Variants in EXOC4 observed in about 807,000 individuals in gnomAD.
EXOC4 encodes SEC8-like 1.
A neutral mutation model predicts 107.2 loss-of-function variants in EXOC4; 71 were observed. The ratio of observed to expected loss-of-function variants is 0.66; its 90% confidence interval spans 0.55 to 0.81. EXOC4 has a LOEUF of 0.81. Among genes scored for constraint, EXOC4 ranks in the 30% least tolerant of loss-of-function variants. The pLI is 0.00. For synonymous variants in EXOC4, 456 were observed against 441.2 expected, an observed-to-expected ratio of 1.03 and a Z score of -0.42; for missense variants, 1,108 against 1,189.6, an observed-to-expected ratio of 0.93 and a Z score of 1.01.
intron 13 of EXOC4, among the ~76,000 whole-genome samples, chr7:133,937,504 A>G: frequency 6.6e-6 from 1 of 152,190 alleles, no homozygotes; most frequent in East Asian, 1.9e-4. Context: ...TTTCACTACA[A>G]TAAACTTTAA....
intron 10 of EXOC4, among the ~76,000 whole-genome samples, chr7:133,685,735 T>G (rs112565285): frequency 1.3e-5 from 2 of 152,272 alleles, no homozygotes; most frequent in African/African-American, 4.8e-5. Flanking sequence ...TGTTAAATAT[T>G]TAAAAATTTC....
intron 7 of EXOC4, among the ~76,000 whole-genome samples, chr7:133,474,500 A>G (rs1024331441): frequency 2.0e-5 from 3 of 149,310 alleles, no homozygotes; most frequent in African/African-American, 7.4e-5. Flanking sequence ...TAAAGTAGAG[A>G]TGAGCTTTCA....
In EXOC4 at chr7:133,893,327, C is replaced by T. The variant is rs1204809859; in HGVS notation, c.1735-2272C>T. Among the ~76,000 whole-genome samples, 3 of 83,178 alleles carry T rather than the reference C, an allele frequency of 3.6e-5. 1 individual carries two copies. The highest frequency in any genetic ancestry group is 6.3e-5 in the Non-Finnish European group (3 of 47,640). 54.6% of individuals were successfully genotyped at this position (83,178 alleles called of 152,430 possible). ...TTTTGAGCCTATGTGTGTCTCTGCACGTAAGATGGGTTTCCTGAATATAGC... is the reference window on the plus strand; with the variant it reads ...TTTTGAGCCTATGTGTGTCTCTGCATGTAAGATGGGTTTCCTGAATATAGC... On this transcript the variant is annotated intron_variant, in intron 11 of 17. Coordinates refer to ENST00000253861, the MANE Select transcript of EXOC4 (RefSeq NM_021807.4).
intron 1 of EXOC4, 44 bp downstream of exon 1, chr7:133,253,231 C>T: frequency 6.3e-7 from 1 of 1,595,928 alleles, no homozygotes; most frequent in Non-Finnish European, 8.6e-7. Context: ...GGGGCAGCGG[C>T]TCGACCTCCG....
chr7:133,556,875 A>G (rs926738474), intron 9 of EXOC4, among the ~76,000 whole-genome samples: 2 of 152,214 alleles, frequency 1.3e-5, no homozygotes, highest in African/African-American at 4.8e-5. Context: ...GCTAGCAAGG[A>G]GACCTTCCTG....
intron 9 of EXOC4, among the ~76,000 whole-genome samples, chr7:133,517,139 ATAATAT>A (rs1285877697): frequency 1.3e-5 from 2 of 152,164 alleles, no homozygotes; most frequent in Non-Finnish European, 2.9e-5. Flanking sequence ...ATTTGTAAAA[ATAATAT>A]TAAGACAGTT....
intron 7 of EXOC4, among the ~76,000 whole-genome samples, chr7:133,403,814 C>T (rs547479667): frequency 1.3e-5 from 2 of 152,158 alleles, no homozygotes; most frequent in Non-Finnish European, 2.9e-5. Flanking sequence ...ACCTGTAGTC[C>T]TTGCTGCTTG....
rs1391131419 is a variant in EXOC4 at position 133,710,592 on chromosome 7, G to A, written c.1514+80451G>A. ...GGAGAATGGCGTGAACCCGGGAGGC[G>A]GAGCTTGCAGTGAGCCGAGATCCCG... On this transcript the variant is annotated intron_variant, in intron 10 of 17. Coordinates refer to ENST00000253861, the MANE Select transcript of EXOC4 (RefSeq NM_021807.4). Among the ~76,000 whole-genome samples, 5 of 148,910 alleles carry A rather than the reference G, an allele frequency of 3.4e-5. No homozygotes were observed. In the East Asian group the frequency reaches 5.9e-4, roughly 18 times the overall value.
chr7:133,439,377 G>T (rs888956553), intron 7 of EXOC4, among the ~76,000 whole-genome samples: 1 of 151,608 alleles, frequency 6.6e-6, no homozygotes, highest in Non-Finnish European at 1.5e-5. Flanking sequence ...TAGAGACGGG[G>T]TTTCATCATG....
chr7:133,542,910 A>C (rs1250212532), intron 9 of EXOC4, among the ~76,000 whole-genome samples: 3 of 152,116 alleles, frequency 2.0e-5, no homozygotes, highest in African/African-American at 7.2e-5. Flanking sequence ...ATAAAAACTT[A>C]CAGGTTATAA....
intron 6 of EXOC4, among the ~76,000 whole-genome samples, chr7:133,360,560 T>TA: frequency 6.6e-6 from 1 of 152,314 alleles, no homozygotes; most frequent in South Asian, 2.1e-4. Context: ...TGACTTCTGT[T>TA]ATGAAGAAAA....
chr7:133,487,349 G>A (rs547748101), intron 9 of EXOC4, among the ~76,000 whole-genome samples: 2 of 152,298 alleles, frequency 1.3e-5, no homozygotes, highest in South Asian at 4.1e-4. Flanking sequence ...GAAACGTAAT[G>A]TATTTGAGTT....
chr7:133,976,196 A>G (rs1472431478), intron 14 of EXOC4, among the ~76,000 whole-genome samples: 1 of 152,200 alleles, frequency 6.6e-6, no homozygotes, highest in African/African-American at 2.4e-5. Context: ...AGAACATCAA[A>G]CAGATAGGTC....
chr7:134,076,247 G>T, the EXOC4 span, among the ~76,000 whole-genome samples: 1 of 152,142 alleles, frequency 6.6e-6, no homozygotes, highest in Non-Finnish European at 1.5e-5. Flanking sequence ...GCTGGGCGCA[G>T]TGGCTCACAC....
At chr7:133,498,970 TAAC>T (rs1799528477) in intron 9 of EXOC4, among the ~76,000 whole-genome samples, 1 of 152,198 alleles carries the variant, frequency 6.6e-6, no homozygotes, top group Non-Finnish European at 1.5e-5. Flanking sequence ...ATCTTTAAGA[TAAC>T]GTTCTCTGTA....
chr7:133,650,497 A>C (rs1180427656), intron 10 of EXOC4, among the ~76,000 whole-genome samples: 2 of 152,280 alleles, frequency 1.3e-5, no homozygotes, highest in Non-Finnish European at 1.5e-5. Context: ...GGTTTTTTTA[A>C]ATAAAAAAAG....
At chr7:133,755,260 T>TATTATATATATTATATATATTATATAC (rs1562984141) in intron 10 of EXOC4, among the ~76,000 whole-genome samples, 2 of 91,110 alleles carry the variant, frequency 2.2e-5, no homozygotes, top group African/African-American at 9.6e-5. Flanking sequence ...ATATTATATA[T>TATTATATATATTATATATATTATATAC]ATATTATATA....
chr7:133,561,423 C>T (rs1800801628), intron 9 of EXOC4, among the ~76,000 whole-genome samples: 1 of 152,098 alleles, frequency 6.6e-6, no homozygotes, highest in Non-Finnish European at 1.5e-5. Context: ...CAGTGATTTC[C>T]AGGAAGCCAT....
chr7:133,706,339 A>C (rs888121304), intron 10 of EXOC4, among the ~76,000 whole-genome samples: 2 of 152,242 alleles, frequency 1.3e-5, no homozygotes, highest in Non-Finnish European at 2.9e-5. Flanking sequence ...TAGGCTTATC[A>C]ATTACAAAAG....
Sources: gnomAD v4.1 joint callset for allele counts (sites outside exome capture counted in the v4.1 genomes callset) on GRCh38, gnomAD v4.1.1 for gene constraint, MANE v1.5 for transcripts, NCBI Gene and HGNC (gene_info 2026-07-23, HGNC 2026-07-21) for gene names.